Variants in SLC25A34 observed in about 807,000 individuals in gnomAD.
The protein encoded by SLC25A34 is solute carrier family 25 member 34.
In SLC25A34, 26 loss-of-function variants were observed where a neutral mutation model predicts 28.1. The ratio of observed to expected loss-of-function variants is 0.93; its 90% CI spans 0.68 to 1.28. The LOEUF is 1.28. Ranked by LOEUF, SLC25A34 falls within the 50% of genes most tolerant of loss-of-function variation. The pLI is 0.00. For missense variants in SLC25A34, 384 were observed against 409.8 expected (o/e 0.94, Z 0.54); for synonymous variants, 182 against 182.2 (o/e 1.00, Z 0.01).
In SLC25A34 at chr1:15,736,384, A is replaced by G. The variant is rs2068222449; in HGVS notation, c.-102A>G. 1 of 1,280,750 alleles carries G rather than the reference A, an allele frequency of 7.8e-7. No individual in the cohort carries two copies. The highest frequency in any genetic ancestry group is 1.0e-6 in the Non-Finnish European group (1 of 1,001,548). The allele number at this position is 1,280,750 out of a possible 1,614,324, so 79.3% of individuals were successfully genotyped here. A position where few individuals can be genotyped will look rare whatever the true frequency, so the allele number is the denominator to read the frequency against. ...ATGGCCTCGGTCCCCTGCAAACCCC[A>G]GCCCCGTAGCCCTGCGAGGTTACAG... On this transcript the variant is annotated 5_prime_UTR_variant, in exon 1 of 5. Transcript: ENST00000294454.
At chr1:15,739,111 A>G in intron 4 of SLC25A34, 113 bp from the exon 5 acceptor site, 1 of 1,346,612 alleles carries the variant, frequency 7.4e-7, no homozygotes, top group Non-Finnish European at 1.0e-6. Flanking sequence ...TGTCCAATAC[A>G]AAGGTGCTGT....
chr1:15,738,781 AACACAC>A (rs71002925), intron 4 of SLC25A34, 53 bp downstream of exon 4: 253 of 1,331,430 alleles, frequency 1.9e-4, no homozygotes, highest in Middle Eastern at 8.3e-4. Context: ...GCACCCCCCC[AACACAC>A]ACACACACAC....
chr1:15,737,688 G>T, intron 1 of SLC25A34: 1 of 549,252 alleles, frequency 1.8e-6, no homozygotes, highest in Non-Finnish European at 3.2e-6. Flanking sequence ...CTTTCCAACC[G>T]TGACAGAATT....
intron 4 of SLC25A34, chr1:15,738,981 C>G (rs2068254445): frequency 1.7e-6 from 1 of 601,564 alleles, no homozygotes; most frequent in East Asian, 3.3e-5. Context: ...GATGAGGAAG[C>G]TGAGGCTCAG....
chr1:15,739,494 G>A lies in SLC25A34; in HGVS notation c.*88G>A, dbSNP rs1569595937. ...CCAGGACAACTGGCTGTCCCGGGGC[G>A]GGCCATGGGCCCAGGCCCTGCCAGA... On this transcript the variant is annotated 3_prime_UTR_variant, in exon 5 of 5. Coordinates refer to ENST00000294454, the MANE Select transcript of SLC25A34 (RefSeq NM_207348.3). 76 of 1,431,650 alleles carry A rather than the reference G, an allele frequency of 5.3e-5. No individual in the cohort carries two copies. The highest frequency in any genetic ancestry group is 6.7e-5 in the Non-Finnish European group (73 of 1,085,430). The allele number at this position is 1,431,650 out of a possible 1,614,324, so 88.7% of individuals were successfully genotyped here. A position where few individuals can be genotyped will look rare whatever the true frequency, so the allele number is the denominator to read the frequency against.
At chr1:15,737,403 T>C (rs1027801079) in intron 1 of SLC25A34, among the ~76,000 whole-genome samples, 1 of 152,142 alleles carries the variant, frequency 6.6e-6, no homozygotes, top group African/African-American at 2.4e-5. Flanking sequence ...ACCCTGTCTC[T>C]GCTAAAAAGT....
chr1:15,738,169 T>G lies in SLC25A34; in HGVS notation c.521T>G (p.Val174Gly). 1 of 1,607,962 alleles carries G rather than the reference T, an allele frequency of 6.2e-7. No individual in the cohort carries two copies. Among genetic ancestry groups the G allele is most frequent in the South Asian group, 1.1e-5 (1 of 90,254 alleles). Reference sequence around the variant, plus strand: ...CTGTGGCAGGGCGTTGGTGGGGCTGTGCCCCGAGTCATGGTGGGCTCAGCT... The same window carrying G: ...CTGTGGCAGGGCGTTGGTGGGGCTGGGCCCCGAGTCATGGTGGGCTCAGCT... ...LGLWQGVGGA[V>G]PRVMVGSAAQ... The change falls in exon 3 of 5, where the codon GTG becomes GGG. Residue 174 changes from valine to glycine, a missense_variant. Physicochemically the swap from Val to Gly is moderately radical, Grantham distance 109. Transcript: ENST00000294454.
At chr1:15,738,796 ACACACACTCTCACACACT>A in intron 4 of SLC25A34, 68 bp downstream of exon 4, 1 of 1,443,722 alleles carries the variant, frequency 6.9e-7, no homozygotes, top group African/African-American at 1.4e-5. Flanking sequence ...ACACACACAC[ACACACACTCTCACACACT>A]CACACTCACA....
rs768789544 is a variant in SLC25A34 at position 15,736,822 on chromosome 1, G to T, written c.337G>T (p.Ala113Ser). The change falls in exon 1 of 5, where the codon GCG becomes TCG. Residue 113 changes from alanine to serine, a missense_variant. Coordinates refer to ENST00000294454, the MANE Select transcript of SLC25A34 (RefSeq NM_207348.3). ...PGGTVVAGAVAGALGAFVGSP... is the reference protein window; with the variant it reads ...PGGTVVAGAVSGALGAFVGSP... ...TGGCACCGTGGTTGCGGGAGCCGTG[G>T]CGGGGGCACTGGGAGCCTTCGTGGG... The T allele has an allele frequency of 1.3e-6, 2 of 1,593,106 alleles. No homozygotes were observed. Among genetic ancestry groups the T allele is most frequent in the South Asian group, 2.2e-5 (2 of 89,214 alleles).
At chr1:15,737,712 G>A in intron 1 of SLC25A34, 1 of 579,748 alleles carries the variant, frequency 1.7e-6, no homozygotes, top group South Asian at 2.1e-5. Flanking sequence ...GCCCAGAAAA[G>A]GTTAAGTAAC....
In SLC25A34 at chr1:15,738,692, G is replaced by T; in HGVS notation, c.696G>T (p.Thr232=). 1 of 1,597,312 alleles carries T rather than the reference G, an allele frequency of 6.3e-7. No individual in the cohort carries two copies. The highest frequency in any genetic ancestry group is 1.1e-5 in the South Asian group (1 of 90,192). Residue 232 remains threonine (T), a synonymous_variant, in exon 4 of 5, where the codon ACG becomes ACT. Transcript: ENST00000294454. ...TGACTCCCTTCGATGTGGTCAGCAC[G>T]CGGCTATACAATCAGCCGGTGGACA... is the stretch of plus-strand genomic sequence containing the variant. ...VVMTPFDVVS[T]RLYNQPVDTA... is the part of the protein sequence containing the mutation.
Position 15,736,627 on chromosome 1 carries a change from C to T in SLC25A34, c.142C>T (p.Arg48Trp), listed in dbSNP as rs761027482. The T allele has an allele frequency of 5.7e-6, 9 of 1,579,854 alleles. No individual in the cohort carries two copies. Among genetic ancestry groups the T allele is most frequent in the East Asian group, 4.6e-5 (2 of 43,310 alleles). Reference protein sequence around the residue: ...GELQARGTYPRPYHGFIASVA... With the variant: ...GELQARGTYPWPYHGFIASVA... The stretch of plus-strand genomic sequence containing the variant: ...GCTGCAGGCCCGGGGCACCTACCCA[C>T]GGCCCTACCATGGCTTCATAGCCTC... The change falls in exon 1 of 5, where the codon CGG (arginine) becomes TGG (tryptophan). Residue 48 changes from arginine to tryptophan, a missense_variant. Physicochemically the swap from Arg to Trp is moderately radical, Grantham distance 101. Coordinates refer to ENST00000294454, the MANE Select transcript of SLC25A34 (RefSeq NM_207348.3).
In SLC25A34 at chr1:15,738,485, C is replaced by T. The variant is rs1050574823; in HGVS notation, c.598-109C>T. On this transcript the variant is annotated intron_variant, in intron 3 of 4. Transcript: ENST00000294454. ...GGGATGGCTGGAGGGGCCTCATCTG[C>T]TCCCCTTTCTGTAGCCCTTTTAGCC... 5 of 1,462,112 alleles carry T rather than the reference C, an allele frequency of 3.4e-6. No individual in the cohort carries two copies. In the African/African-American group the frequency reaches 5.7e-5, roughly 17 times the overall value. The allele number at this position is 1,462,112 out of a possible 1,614,324, so 90.6% of individuals were successfully genotyped here. A position where few individuals can be genotyped will look rare whatever the true frequency, so the allele number is the denominator to read the frequency against.
rs1241443331 is a variant in SLC25A34 at position 15,739,413 on chromosome 1, G to A, written c.*7G>A. ...CCAGCACAAGGGCACCTAGACGACG[G>A]CCCTCACCCCCACGTCCTGACACGG... is the stretch of plus-strand genomic sequence containing the variant. On this transcript the variant is annotated 3_prime_UTR_variant, in exon 5 of 5. Coordinates refer to ENST00000294454, the MANE Select transcript of SLC25A34 (RefSeq NM_207348.3). 2 of 1,499,518 alleles carry A rather than the reference G, an allele frequency of 1.3e-6. No individual in the cohort carries two copies. The highest frequency in any genetic ancestry group is 2.4e-5 in the East Asian group (1 of 41,420). The allele number at this position is 1,499,518 out of a possible 1,614,324, so 92.9% of individuals were successfully genotyped here.
intron 4 of SLC25A34, 187 bp from the exon 5 acceptor site, chr1:15,739,037 G>T (rs924870222): frequency 1.4e-6 from 1 of 724,254 alleles, no homozygotes; most frequent in Admixed American, 3.5e-5. Flanking sequence ...GTAAGGGGAG[G>T]AGCCAGAACT....
chr1:15,736,614 G>A lies in SLC25A34; in HGVS notation c.129G>A (p.Arg43=). Residue 43 remains arginine (R), a synonymous_variant, in exon 1 of 5, where the codon CGG becomes CGA. Transcript: ENST00000294454. The part of the protein sequence containing the change: ...RLQLQGELQA[R]GTYPRPYHGF... ...AGCTGCAGGGGGAGCTGCAGGCCCG[G>A]GGCACCTACCCACGGCCCTACCATG... The A allele has an allele frequency of 6.4e-7, 1 of 1,566,794 alleles. No individual in the cohort carries two copies. The highest frequency in any genetic ancestry group is 1.9e-5 in the Admixed American group (1 of 52,842).
Position 15,737,928 on chromosome 1 carries a change from G to A in SLC25A34, c.379-1G>A. ...CACCCGTGTCCTCTCTGCTCCCATA[G>A]ATCAAAACGCAGCTGCAAGCTCAGA... On this transcript the variant is annotated splice_acceptor_variant, in intron 1 of 4. Transcript: ENST00000294454. LOFTEE classifies it high-confidence loss of function. 1 of 1,614,096 alleles carries A rather than the reference G, an allele frequency of 6.2e-7. No homozygotes were observed. The highest frequency in any genetic ancestry group is 8.5e-7 in the Non-Finnish European group (1 of 1,180,006).
chr1:15,736,270 C>G lies in SLC25A34; in HGVS notation c.-216C>G. On this transcript the variant is annotated 5_prime_UTR_variant, in exon 1 of 5. Transcript: ENST00000294454. ...CCCAGGCTCCGGCAGACCGCTGGAA[C>G]AGCTGAGCAGAGCAGGTGGACTGCT... is the stretch of plus-strand genomic sequence containing the variant. The G allele has an allele frequency of 2.4e-6, 1 of 421,508 alleles. No individual in the cohort carries two copies. The highest frequency in any genetic ancestry group is 4.0e-6 in the Non-Finnish European group (1 of 248,600). 26.1% of individuals were successfully genotyped at this position (421,508 alleles called of 1,614,324 possible). A position where few individuals can be genotyped will look rare whatever the true frequency, so the allele number is the denominator to read the frequency against.
intron 1 of SLC25A34, chr1:15,737,679 T>TG (rs2068238145): frequency 1.8e-6 from 1 of 546,900 alleles, no homozygotes; most frequent in African/African-American, 1.9e-5. Flanking sequence ...TCAGAACAGC[T>TG]TTCCAACCGT....
Sources: allele counts gnomAD v4.1 joint callset (sites outside exome capture counted in the v4.1 genomes callset), GRCh38; gene constraint gnomAD v4.1.1; transcripts MANE v1.5; gene names NCBI Gene and HGNC (gene_info 2026-07-23, HGNC 2026-07-21).